The following CAST variants were observed in gnomAD, a reference collection of about 807,000 sequenced individuals.
CAST encodes the protein MIR583 host.
A neutral mutation model predicts 119.6 loss-of-function variants in CAST; 76 were observed. That is an observed-to-expected ratio of 0.64 (90% CI 0.53 to 0.77). CAST has a LOEUF of 0.77. Among genes scored for constraint, CAST ranks in the 30% least tolerant of loss-of-function variants. The probability of loss-of-function intolerance (pLI) is 0.00; values close to 1 mark genes in which losing one functional copy is unlikely to be tolerated. For missense variants in CAST, 953 were observed against 946.5 expected (o/e 1.01, Z -0.09); for synonymous variants, 319 against 331.6 (o/e 0.96, Z 0.41).
At chr5:96,324,172 C>G in the CAST span, among the ~76,000 whole-genome samples, 14 of 152,174 alleles carry the variant, frequency 9.2e-5, no homozygotes, top group South Asian at 2.1e-4. Flanking sequence ...TCCCTAGGAC[C>G]CTTATCCTTT....
chr5:96,196,011 G>C, the CAST span, among the ~76,000 whole-genome samples: 1 of 152,130 alleles, frequency 6.6e-6, no homozygotes, highest in Non-Finnish European at 1.5e-5. Context: ...GGGCAGAATG[G>C]AAGCATAGCT....
chr5:96,117,528 C>T, the CAST span, among the ~76,000 whole-genome samples: 371 of 152,150 alleles, frequency 2.4e-3, 2 homozygotes, highest in African/African-American at 8.7e-3. Flanking sequence ...TGATTTTTTC[C>T]GCGTGTCAGA....
chr5:96,423,393 C>T, the CAST span: 32 of 1,613,936 alleles, frequency 2.0e-5, no homozygotes, highest in Non-Finnish European at 2.7e-5. Flanking sequence ...CCCGTAATGC[C>T]TTTTTGCCAA....
chr5:96,709,158 T>C (rs367682788), intron 3 of CAST, among the ~76,000 whole-genome samples: 50 of 152,362 alleles, frequency 3.3e-4, no homozygotes, highest in African/African-American at 1.2e-3. Context: ...TTCTCATGCA[T>C]ATGCATTTTT....
the CAST span, among the ~76,000 whole-genome samples, chr5:96,312,121 A>G: frequency 1.3e-5 from 2 of 152,086 alleles, no homozygotes; most frequent in Non-Finnish European, 2.9e-5. Context: ...TGAGGCTTAC[A>G]CACAACATCT....
the CAST span, among the ~76,000 whole-genome samples, chr5:96,011,216 G>T: frequency 6.6e-6 from 1 of 152,116 alleles, no homozygotes; most frequent in African/African-American, 2.4e-5. Flanking sequence ...GTTTAGGTCA[G>T]TTTAAATTTG....
chr5:96,233,705 T>A, the CAST span, among the ~76,000 whole-genome samples: 1 of 152,132 alleles, frequency 6.6e-6, no homozygotes, highest in Non-Finnish European at 1.5e-5. Flanking sequence ...CAAAATATTT[T>A]GGTCAGTAAC....
At chr5:96,582,329 T>C (rs934853191) in intron 1 of CAST, among the ~76,000 whole-genome samples, 5 of 152,222 alleles carry the variant, frequency 3.3e-5, no homozygotes, top group African/African-American at 1.2e-4. Flanking sequence ...AGCTATTTCA[T>C]TTAGATACAT....
chr5:96,256,434 G>A, the CAST span, among the ~76,000 whole-genome samples: 1 of 150,072 alleles, frequency 6.7e-6, no homozygotes, highest in Non-Finnish European at 1.5e-5. Context: ...TACATTCTGA[G>A]AAATGTGTCA....
intron 25 of CAST, chr5:96,763,314 A>G: frequency 1.3e-6 from 1 of 777,236 alleles, no homozygotes; most frequent in South Asian, 1.3e-5. Flanking sequence ...CTGGATTATA[A>G]TAAAGCACTT....
At position 96,691,287 on chromosome 5, in the gene CAST, C is replaced by T. The variant is rs529276944; in HGVS notation, c.139-4549C>T. ...GATTTCTTATTATATCACAATATCG[C>T]ATACTCTAAAAGCTGATCTGGTCCA... On this transcript the variant is annotated intron_variant, in intron 2 of 31. Coordinates refer to ENST00000675179, the MANE Select transcript of CAST (RefSeq NM_001750.7). Among the ~76,000 whole-genome samples the T allele has an allele frequency of 8.5e-5, 13 of 152,286 alleles. No individual in the cohort carries two copies. In the South Asian group the frequency reaches 2.7e-3, roughly 32 times the overall value.
At chr5:96,267,526 C>T in the CAST span, among the ~76,000 whole-genome samples, 45 of 152,206 alleles carry the variant, frequency 3.0e-4, no homozygotes, top group Non-Finnish European at 5.6e-4. Flanking sequence ...ACAACATTTT[C>T]AAAGTGCTGA....
At chr5:96,474,491 T>A in the CAST span, among the ~76,000 whole-genome samples, 1 of 152,148 alleles carries the variant, frequency 6.6e-6, no homozygotes, top group Non-Finnish European at 1.5e-5. Context: ...CAAGGAAGTG[T>A]GAATATTTGG....
rs767278328 is a variant in CAST at position 96,774,262 on chromosome 5, A to G, written c.*1646A>G. The G allele has an allele frequency of 6.5e-6, 1 of 154,506 alleles. No homozygotes were observed. Among genetic ancestry groups the G allele is most frequent in the Non-Finnish European group, 1.5e-5 (1 of 68,816 alleles). The allele number at this position is 154,506 out of a possible 1,614,324, so 9.6% of individuals were successfully genotyped here. On this transcript the variant is annotated 3_prime_UTR_variant, in exon 32 of 32. Transcript: ENST00000675179. ...TTACTAATTTCCATGTGTATCTGGA[A>G]GTATTTTTAAATGGCATACCAAAAT...
At chr5:96,615,618 G>A (rs1020257581) in intron 1 of CAST, among the ~76,000 whole-genome samples, 11 of 152,332 alleles carry the variant, frequency 7.2e-5, no homozygotes, top group African/African-American at 2.6e-4. Context: ...AGGCCAGGGA[G>A]CCTAAGAGGG....
the CAST span, among the ~76,000 whole-genome samples, chr5:96,508,995 G>T: frequency 1.3e-5 from 2 of 152,270 alleles, no homozygotes; most frequent in South Asian, 4.2e-4. Context: ...TTTTGAGAGC[G>T]ATTTAAACAG....
the CAST span, among the ~76,000 whole-genome samples, chr5:96,487,200 C>A: frequency 6.6e-6 from 1 of 152,112 alleles, no homozygotes; most frequent in East Asian, 1.9e-4. Context: ...CCCCACCCAC[C>A]ACCAGAATGT....
chr5:96,361,214 A>T, the CAST span, among the ~76,000 whole-genome samples: 1 of 152,152 alleles, frequency 6.6e-6, no homozygotes, highest in East Asian at 1.9e-4. Context: ...TCAACATCAG[A>T]CTGCTCTGCT....
chr5:96,046,393 C>G, the CAST span, among the ~76,000 whole-genome samples: 12 of 152,198 alleles, frequency 7.9e-5, no homozygotes, highest in East Asian at 1.7e-3. Flanking sequence ...CAACTCTGCA[C>G]CTAAGTTGTG....
Sources: gnomAD v4.1 joint callset for allele counts (sites outside exome capture counted in the v4.1 genomes callset) on GRCh38, gnomAD v4.1.1 for gene constraint, MANE v1.5 for transcripts, NCBI Gene and HGNC (gene_info 2026-07-23, HGNC 2026-07-21) for gene names.